PCDH9: variants seen among roughly 807,000 people sequenced by gnomAD.
The protein encoded by PCDH9 is protocadherin 9.
Under a neutral mutation model 70.6 loss-of-function variants are expected in PCDH9, and 24 were observed. The observed-to-expected ratio is 0.34, with a 90% CI of 0.25 to 0.48. The LOEUF (loss-of-function observed/expected upper bound fraction) is 0.48, where lower values mean the gene tolerates loss of function less well. PCDH9 is among the 20% of genes least tolerant of loss of function. The pLI is 0.99. For synonymous variants in PCDH9, 562 were observed against 558.5 expected (o/e 1.01, Z -0.09); for missense variants, 1,281 against 1,503.6 (o/e 0.85, Z 2.45).
chr13:67,071,026 C>G (rs900190008), intron 2 of PCDH9, among the ~76,000 whole-genome samples: 14 of 152,086 alleles, frequency 9.2e-5, no homozygotes, highest in Admixed American at 7.9e-4. Context: ...CTCAGATTTA[C>G]ATATTCATTC....
At position 66,534,708 on chromosome 13, in the gene PCDH9, C is replaced by G. The variant is rs1396174466; in HGVS notation, c.3340+96502G>C. Among the ~76,000 whole-genome samples, 4 of 152,048 alleles carry G rather than the reference C, an allele frequency of 2.6e-5. No homozygotes were observed. The South Asian group carries it at 8.3e-4, about 32-fold the overall frequency. ...ACACATATTTTTCTTTAAGTTATGA[C>G]TGTAGTTGCACACATTCTTATAAGA... On this transcript the variant is annotated intron_variant, in intron 4 of 4. Transcript: ENST00000377865.
chr13:67,092,267 A>G (rs1345139863), intron 2 of PCDH9, among the ~76,000 whole-genome samples: 1 of 152,172 alleles, frequency 6.6e-6, no homozygotes, highest in East Asian at 1.9e-4. Flanking sequence ...CAATACATGC[A>G]TGTAAAGCAA....
intron 4 of PCDH9, among the ~76,000 whole-genome samples, chr13:66,316,989 C>T (rs1955664706): frequency 6.6e-6 from 1 of 152,120 alleles, no homozygotes; most frequent in Admixed American, 6.5e-5. Flanking sequence ...TCCCAAAATG[C>T]TGGGATTATA....
chr13:66,923,869 C>T (rs1411972578), intron 2 of PCDH9, among the ~76,000 whole-genome samples: 1 of 151,706 alleles, frequency 6.6e-6, no homozygotes, highest in Non-Finnish European at 1.5e-5. Flanking sequence ...TAACTATAAA[C>T]TATTTTATGA....
chr13:66,995,746 T>C (rs935367001), intron 2 of PCDH9, among the ~76,000 whole-genome samples: 1 of 152,144 alleles, frequency 6.6e-6, no homozygotes, highest in African/African-American at 2.4e-5. Context: ...TATAAAAAGA[T>C]TGAAAAATTA....
chr13:66,647,548 G>T (rs1417632488), intron 3 of PCDH9, among the ~76,000 whole-genome samples: 1 of 151,840 alleles, frequency 6.6e-6, no homozygotes, highest in Non-Finnish European at 1.5e-5. Context: ...AGCAGCGGTA[G>T]CCAGGTAGTA....
At chr13:66,869,520 GT>G in intron 3 of PCDH9, among the ~76,000 whole-genome samples, 1 of 152,208 alleles carries the variant, frequency 6.6e-6, no homozygotes, top group South Asian at 2.1e-4. Flanking sequence ...AGACTGGAAT[GT>G]TCCCTTTCTA....
intron 3 of PCDH9, among the ~76,000 whole-genome samples, chr13:66,803,365 A>T (rs1210157170): frequency 6.6e-6 from 1 of 152,220 alleles, no homozygotes; most frequent in Non-Finnish European, 1.5e-5. Context: ...ATAACATTTA[A>T]GAGCTAAATT....
intron 4 of PCDH9, among the ~76,000 whole-genome samples, chr13:66,482,405 G>A (rs1017661112): frequency 6.6e-6 from 1 of 152,140 alleles, no homozygotes; most frequent in Non-Finnish European, 1.5e-5. Context: ...CACTTTCCAG[G>A]ACACGCAGGC....
At chr13:67,123,829 C>T (rs2086922399) in intron 2 of PCDH9, among the ~76,000 whole-genome samples, 1 of 151,496 alleles carries the variant, frequency 6.6e-6, no homozygotes, top group Non-Finnish European at 1.5e-5. Flanking sequence ...TGTAAAACAC[C>T]TTGTCACAGT....
chr13:66,701,557 G>A (rs2078648758), intron 3 of PCDH9, among the ~76,000 whole-genome samples: 1 of 152,020 alleles, frequency 6.6e-6, no homozygotes, highest in African/African-American at 2.4e-5. Context: ...TACCATGATT[G>A]TCTTTTTGTT....
chr13:66,315,589 C>T (rs896995640), intron 4 of PCDH9, among the ~76,000 whole-genome samples: 7 of 152,162 alleles, frequency 4.6e-5, no homozygotes, highest in Non-Finnish European at 8.8e-5. Context: ...TCAAGTGATT[C>T]TCCTGCCTCC....
At chr13:66,307,195 G>T (rs910768243) in intron 4 of PCDH9, among the ~76,000 whole-genome samples, 5 of 151,822 alleles carry the variant, frequency 3.3e-5, no homozygotes, top group African/African-American at 1.2e-4. Context: ...TTTGGAGGGG[G>T]TTCCGTACAT....
At chr13:67,117,046 C>T (rs1014752296) in intron 2 of PCDH9, among the ~76,000 whole-genome samples, 1 of 151,948 alleles carries the variant, frequency 6.6e-6, no homozygotes, top group African/African-American at 2.4e-5. Context: ...AGGATATATT[C>T]TTAGAATAGA....
intron 3 of PCDH9, among the ~76,000 whole-genome samples, chr13:66,877,328 A>AAT (rs1347525084): frequency 2.0e-5 from 3 of 151,536 alleles, no homozygotes; most frequent in South Asian, 2.1e-4. Flanking sequence ...CAAAATTTAA[A>AAT]ATATATATAT....
At chr13:66,725,156 C>T (rs552411284) in intron 3 of PCDH9, among the ~76,000 whole-genome samples, 5 of 152,282 alleles carry the variant, frequency 3.3e-5, no homozygotes, top group East Asian at 3.9e-4. Flanking sequence ...ATATAATTGT[C>T]GATTTCTCTC....
chr13:66,340,071 T>C (rs1279209986), intron 4 of PCDH9, among the ~76,000 whole-genome samples: 2 of 152,130 alleles, frequency 1.3e-5, no homozygotes, highest in Non-Finnish European at 2.9e-5. Context: ...AAGTTAACCA[T>C]TGTTTTCCTC....
At chr13:66,994,651 G>A (rs540684736) in intron 2 of PCDH9, among the ~76,000 whole-genome samples, 1 of 152,290 alleles carries the variant, frequency 6.6e-6, no homozygotes, top group Admixed American at 6.5e-5. Context: ...GAGGCTAGAT[G>A]GCTGGGGACT....
At chr13:66,314,511 TAATCA>T (rs1326705407) in intron 4 of PCDH9, among the ~76,000 whole-genome samples, 1 of 152,238 alleles carries the variant, frequency 6.6e-6, no homozygotes, top group Non-Finnish European at 1.5e-5. Flanking sequence ...TGAGCGCATG[TAATCA>T]CTTGGTCTTA....
Sources: gnomAD v4.1 joint callset for allele counts (sites outside exome capture counted in the v4.1 genomes callset) on GRCh38, gnomAD v4.1.1 for gene constraint, MANE v1.5 for transcripts, NCBI Gene and HGNC (gene_info 2026-07-23, HGNC 2026-07-21) for gene names.